The following SKAP1 variants were observed in gnomAD, a reference collection of about 807,000 sequenced individuals.
The protein encoded by SKAP1 is src kinase-associated phosphoprotein 1.
In SKAP1, 44 loss-of-function variants were observed where a neutral mutation model predicts 58.5. The observed-to-expected ratio is 0.75, with a 90% CI of 0.59 to 0.97. The LOEUF (loss-of-function observed/expected upper bound fraction) is 0.97. Among genes scored for constraint, SKAP1 ranks in the 50% least tolerant of loss-of-function variants. The pLI, the probability that SKAP1 is intolerant of heterozygous loss-of-function variation, is 0.00. For synonymous variants in SKAP1, 127 were observed against 149.7 expected (o/e 0.85, Z 1.11); for missense variants, 390 against 435.2 (o/e 0.90, Z 0.92).
chr17:48,292,918 C>G (rs901247545), intron 4 of SKAP1, among the ~76,000 whole-genome samples: 1 of 152,160 alleles, frequency 6.6e-6, no homozygotes, highest in African/African-American at 2.4e-5. Context: ...AAACTATAAA[C>G]TACTGTAAGA....
chr17:48,174,667 T>G (rs1449723831), intron 9 of SKAP1, among the ~76,000 whole-genome samples: 1 of 152,218 alleles, frequency 6.6e-6, no homozygotes, highest in African/African-American at 2.4e-5. Context: ...TTTTTTAGGC[T>G]AAAGAGCTTG....
chr17:48,357,744 C>A (rs2066894755), intron 3 of SKAP1, among the ~76,000 whole-genome samples: 1 of 152,078 alleles, frequency 6.6e-6, no homozygotes, highest in Non-Finnish European at 1.5e-5. Context: ...AAAAAAACCA[C>A]CCTACCAGTA....
intron 4 of SKAP1, among the ~76,000 whole-genome samples, chr17:48,293,952 G>A (rs926580851): frequency 1.1e-4 from 17 of 152,134 alleles, no homozygotes. Flanking sequence ...ACATATAAGA[G>A]GAGAGAGAGG....
At chr17:48,432,919 C>T (rs951266236), upstream of SKAP1, among the ~76,000 whole-genome samples, 1 of 152,196 alleles carries the variant, frequency 6.6e-6, no homozygotes, top group Non-Finnish European at 1.5e-5. Flanking sequence ...TCACAGTGTA[C>T]GTATTCTATA....
chr17:48,185,063 T>C, intron 6 of SKAP1: 1 of 505,732 alleles, frequency 2.0e-6, no homozygotes, highest in Non-Finnish European at 3.5e-6. Context: ...CGTGAAAGGT[T>C]ATTTTGCCAA....
At chr17:48,426,985 T>C (rs759879265) in intron 1 of SKAP1, among the ~76,000 whole-genome samples, 22 of 152,196 alleles carry the variant, frequency 1.4e-4, no homozygotes, top group Admixed American at 9.2e-4. Context: ...CCTTTTTCTT[T>C]TAAATACCCT....
intron 2 of SKAP1, among the ~76,000 whole-genome samples, chr17:48,385,322 TAA>T (rs11314601): frequency 9.7e-4 from 144 of 148,590 alleles, no homozygotes; most frequent in Admixed American, 8.0e-4. Context: ...CTGCACAAAA[TAA>T]AAAAAAAAAA....
At chr17:48,218,916 G>A (rs1011445268) in intron 4 of SKAP1, among the ~76,000 whole-genome samples, 21 of 152,028 alleles carry the variant, frequency 1.4e-4, no homozygotes, top group African/African-American at 4.3e-4. Flanking sequence ...GTGGCCATGT[G>A]AAATCAGAAC....
At chr17:48,171,311 G>C (rs1428476914) in intron 9 of SKAP1, among the ~76,000 whole-genome samples, 2 of 151,818 alleles carry the variant, frequency 1.3e-5, no homozygotes, top group Middle Eastern at 3.4e-3. Context: ...TCTCCATGTT[G>C]ATCAGGCTGG....
chr17:48,400,002 G>A (rs1044421020), intron 1 of SKAP1, among the ~76,000 whole-genome samples: 2 of 151,678 alleles, frequency 1.3e-5, no homozygotes, highest in African/African-American at 4.8e-5. Flanking sequence ...ACACCCTAAG[G>A]AATCTATTAA....
chr17:48,362,944 ACT>A (rs990009753), intron 3 of SKAP1, among the ~76,000 whole-genome samples: 58 of 152,148 alleles, frequency 3.8e-4, no homozygotes, highest in African/African-American at 1.4e-3. Flanking sequence ...TTGATCTAAA[ACT>A]CTGTGATTAT....
rs1163389625 is a variant in SKAP1, at chr17:48,425,127, G to A, written c.46+4948C>T. On this transcript the variant is annotated intron_variant, in intron 1 of 12. Coordinates refer to ENST00000336915, the MANE Select transcript of SKAP1 (RefSeq NM_003726.4). ...ATAAAAATTAGCCTGTCATGGTGGC[G>A]TGCGCCAGTATTCCCAGCTACTCAG... 2.6e-5 allele frequency among the ~76,000 whole-genome samples: 4 copies of A among 152,104 alleles called. No homozygotes were observed. In the South Asian group the frequency reaches 6.2e-4, roughly 24 times the overall value.
intron 7 of SKAP1, 139 bp from the exon 8 acceptor site, chr17:48,182,596 GA>G (rs1287810969): frequency 1.6e-6 from 1 of 611,182 alleles, no homozygotes; most frequent in East Asian, 2.9e-5. Flanking sequence ...TTAACATATA[GA>G]AAAAAGACCA....
upstream of SKAP1, among the ~76,000 whole-genome samples, chr17:48,430,487 C>G (rs562902309): frequency 6.6e-6 from 1 of 152,250 alleles, no homozygotes; most frequent in East Asian, 1.9e-4. Flanking sequence ...ACACTCCATC[C>G]TAAGCACCGA....
At position 48,134,789 on chromosome 17, in the gene SKAP1, C is replaced by T. The variant is rs563282390; in HGVS notation, c.*8-973G>A. ...CGCGATCTCGGCTCACTGCAACCTC[C>T]GCCTCCCAGGTTCAAGTGATTCTCC... On this transcript the variant is annotated intron_variant, in intron 12 of 12. Coordinates refer to ENST00000336915, the MANE Select transcript of SKAP1 (RefSeq NM_003726.4). Among the ~76,000 whole-genome samples the T allele has an allele frequency of 3.9e-5, 6 of 152,030 alleles. No homozygotes were observed. In the South Asian group the frequency reaches 6.2e-4, roughly 16 times the overall value.
chr17:48,165,558 G>T, intron 10 of SKAP1, among the ~76,000 whole-genome samples: 1 of 151,774 alleles, frequency 6.6e-6, no homozygotes. Context: ...GTGCCACCAC[G>T]CCCAGCTAAT....
At chr17:48,284,393 G>C (rs17694895) in intron 4 of SKAP1, among the ~76,000 whole-genome samples, 31,582 of 152,080 alleles carry the variant, frequency 0.21, 3,287 homozygotes, top group Admixed American at 0.22. Context: ...AAAACTGTTT[G>C]CCATTTTAGC....
chr17:48,205,664 G>C (rs916998789), intron 4 of SKAP1, among the ~76,000 whole-genome samples: 3 of 152,048 alleles, frequency 2.0e-5, no homozygotes, highest in Admixed American at 6.6e-5. Flanking sequence ...TCTGAATCAG[G>C]GGGGAGAAAC....
At chr17:48,400,683 G>C (rs2067488803) in intron 1 of SKAP1, among the ~76,000 whole-genome samples, 1 of 151,926 alleles carries the variant, frequency 6.6e-6, no homozygotes, top group South Asian at 2.1e-4. Flanking sequence ...GGGAGGTTGA[G>C]GCTGCAGTGA....
Sources: gnomAD v4.1 joint callset for allele counts (sites outside exome capture counted in the v4.1 genomes callset) on GRCh38, gnomAD v4.1.1 for gene constraint, MANE v1.5 for transcripts, NCBI Gene and HGNC (gene_info 2026-07-23, HGNC 2026-07-21) for gene names.